KAZN: variants seen among roughly 807,000 people sequenced by gnomAD.
KAZN encodes the protein kazrin, periplakin interacting protein.
KAZN carries 40 observed loss-of-function variants against 87.4 expected under a neutral mutation model. The observed-to-expected ratio is 0.46, with a 90% CI of 0.36 to 0.60. KAZN has a LOEUF of 0.60. Ranked by LOEUF, KAZN falls within the 20% of genes least tolerant of loss-of-function variation. The pLI is 0.00. For synonymous variants in KAZN, 466 were observed against 458.3 expected, an observed-to-expected ratio of 1.02 and a Z score of -0.22; for missense variants, 898 against 1,073.9, an observed-to-expected ratio of 0.84 and a Z score of 2.29.
intron 2 of KAZN, among the ~76,000 whole-genome samples, chr1:14,512,027 A>T (rs1332744027): frequency 6.6e-6 from 1 of 152,102 alleles, no homozygotes; most frequent in Non-Finnish European, 1.5e-5. Context: ...TCTTCTGGAG[A>T]AAATGTGGAG....
intron 2 of KAZN, among the ~76,000 whole-genome samples, chr1:14,276,556 C>T (rs190449468): frequency 5.2e-4 from 79 of 152,246 alleles, no homozygotes; most frequent in African/African-American, 1.8e-3. Flanking sequence ...AGGCCTCTCT[C>T]CTACCTCCTG....
At chr1:14,377,414 T>G (rs1661004125) in intron 2 of KAZN, among the ~76,000 whole-genome samples, 1 of 152,112 alleles carries the variant, frequency 6.6e-6, no homozygotes, top group African/African-American at 2.4e-5. Flanking sequence ...CGCCTTTAGC[T>G]CAAAGAAAAT....
chr1:14,132,773 A>T (rs915942271), intron 1 of KAZN, among the ~76,000 whole-genome samples: 2 of 152,060 alleles, frequency 1.3e-5, no homozygotes, highest in African/African-American at 4.8e-5. Flanking sequence ...ACATATTAGG[A>T]GATAGTTAGC....
At chr1:14,772,215 G>A (rs1645039008) in intron 1 of KAZN, among the ~76,000 whole-genome samples, 1 of 152,162 alleles carries the variant, frequency 6.6e-6, no homozygotes, top group African/African-American at 2.4e-5. Flanking sequence ...GGGTGCGGTG[G>A]CTCACGCCTG....
At position 14,684,842 on chromosome 1, in the gene KAZN, A is replaced by T. The variant is rs576238860; in HGVS notation, c.226+85619A>T. Among the ~76,000 whole-genome samples, 8 of 152,212 alleles carry T rather than the reference A, an allele frequency of 5.3e-5. No homozygotes were observed. In the East Asian group the frequency reaches 1.5e-3, roughly 29 times the overall value. ...TAACCCAGGATCATTTCCCCACCTA[A>T]AGATCCTGAATCCCATTTTCAGAGT... On this transcript the variant is annotated intron_variant, in intron 1 of 14. Coordinates refer to ENST00000376030, the MANE Select transcript of KAZN (RefSeq NM_201628.3).
At chr1:14,535,683 T>TA (rs1044795360) in intron 2 of KAZN, among the ~76,000 whole-genome samples, 151 of 151,164 alleles carry the variant, frequency 1.0e-3, no homozygotes, top group African/African-American at 3.1e-3. Context: ...AAAATAAAAA[T>TA]AAAAAATAAA....
chr1:14,302,124 C>A (rs1297821012), intron 2 of KAZN, among the ~76,000 whole-genome samples: 1 of 152,082 alleles, frequency 6.6e-6, no homozygotes, highest in Non-Finnish European at 1.5e-5. Flanking sequence ...AAACAAGGAC[C>A]AATTTTTATT....
At chr1:14,716,509 C>G (rs929430887) in intron 1 of KAZN, among the ~76,000 whole-genome samples, 1 of 152,130 alleles carries the variant, frequency 6.6e-6, no homozygotes, top group African/African-American at 2.4e-5. Context: ...CCTCATAATC[C>G]TTCCCTTGGA....
At chr1:14,910,061 T>TG (rs1553154761) in intron 1 of KAZN, among the ~76,000 whole-genome samples, 1 of 147,240 alleles carries the variant, frequency 6.8e-6, no homozygotes, top group Non-Finnish European at 1.5e-5. Flanking sequence ...AATAAATAAA[T>TG]AATGAATGAA....
chr1:14,199,995 C>T (rs1011965125), intron 2 of KAZN, among the ~76,000 whole-genome samples: 13 of 151,966 alleles, frequency 8.6e-5, no homozygotes, highest in East Asian at 1.9e-4. Context: ...CGTTATCAAA[C>T]GACTGCTTCA....
At chr1:14,596,670 C>G (rs1310840096), upstream of KAZN, among the ~76,000 whole-genome samples, 1 of 152,214 alleles carries the variant, frequency 6.6e-6, no homozygotes, top group East Asian at 1.9e-4. Context: ...TTTATTTATT[C>G]TGGATATTTC....
At chr1:14,260,306 C>T (rs541810711) in intron 2 of KAZN, among the ~76,000 whole-genome samples, 20 of 152,182 alleles carry the variant, frequency 1.3e-4, no homozygotes, top group African/African-American at 4.6e-4. Context: ...GCGGAATGTC[C>T]GATGGGGTAA....
chr1:15,065,776 A>G (rs777161748), intron 8 of KAZN, 23 bp downstream of exon 8: 6 of 1,613,216 alleles, frequency 3.7e-6, no homozygotes, highest in South Asian at 1.1e-5. Context: ...ATTATTACAT[A>G]GAGGAGGACG....
chr1:13,970,403 A>G (rs1642095921), intron 1 of KAZN, among the ~76,000 whole-genome samples: 2 of 152,322 alleles, frequency 1.3e-5, no homozygotes, highest in South Asian at 4.1e-4. Flanking sequence ...TTCTCATTTT[A>G]CAGGTGAGGA....
chr1:13,998,743 T>G (rs1639641632), intron 1 of KAZN, among the ~76,000 whole-genome samples: 1 of 152,104 alleles, frequency 6.6e-6, no homozygotes, highest in Non-Finnish European at 1.5e-5. Context: ...CAAAAAAGAC[T>G]TAGGCTCCCA....
chr1:14,950,228 G>A (rs1354452074), intron 1 of KAZN, among the ~76,000 whole-genome samples: 7 of 151,930 alleles, frequency 4.6e-5, no homozygotes, highest in African/African-American at 1.5e-4. Flanking sequence ...ACCCCCTACC[G>A]AGTGTCAGGA....
chr1:14,717,875 C>A (rs1446946625), intron 1 of KAZN, among the ~76,000 whole-genome samples: 2 of 152,224 alleles, frequency 1.3e-5, no homozygotes, highest in Admixed American at 1.3e-4. Context: ...CCGACCCCCA[C>A]CCCTGCTGCA....
Position 14,672,436 on chromosome 1 carries a change from C to T in KAZN, c.226+73213C>T, listed in dbSNP as rs144473607. On this transcript the variant is annotated intron_variant, in intron 1 of 14. Transcript: ENST00000376030. Reference sequence around the variant, plus strand: ...ATGATGTGGCCCGAACCCTCCCTTTCGACAGGTCAATTCCATAACAGTCTG... The same window carrying T: ...ATGATGTGGCCCGAACCCTCCCTTTTGACAGGTCAATTCCATAACAGTCTG... 1.1e-3 allele frequency among the ~76,000 whole-genome samples: 166 copies of T among 152,324 alleles called. 1 individual carries two copies. In the East Asian group the frequency reaches 0.027, roughly 25 times the overall value.
intron 1 of KAZN, among the ~76,000 whole-genome samples, chr1:14,900,061 G>A (rs1486925511): frequency 1.3e-5 from 2 of 152,210 alleles, no homozygotes; most frequent in Non-Finnish European, 2.9e-5. Flanking sequence ...GGAGGGCCTG[G>A]AATGGCCCAG....
Sources: gnomAD v4.1 joint callset for allele counts (sites outside exome capture counted in the v4.1 genomes callset) on GRCh38, gnomAD v4.1.1 for gene constraint, MANE v1.5 for transcripts, NCBI Gene and HGNC (gene_info 2026-07-23, HGNC 2026-07-21) for gene names.